The following INSL6 variants were observed in gnomAD, a reference collection of about 807,000 sequenced individuals.
INSL6 encodes insulin-like peptide INSL6.
Under a neutral mutation model 9.4 loss-of-function variants are expected in INSL6, and 16 were observed. That is an observed-to-expected ratio of 1.70 (90% CI 1.15 to 2.59). The LOEUF is 2.59. Ranked by LOEUF, INSL6 falls within the 30% of genes most tolerant of loss-of-function variation. The pLI is 0.00. For synonymous variants in INSL6, 154 were observed against 96.9 expected, an observed-to-expected ratio of 1.59 and a Z score of -3.46; for missense variants, 391 against 257.3, an observed-to-expected ratio of 1.52 and a Z score of -3.56.
intron 2 of INSL6, among the ~76,000 whole-genome samples, chr9:5,136,312 A>G (rs923426228): frequency 1.3e-5 from 2 of 152,150 alleles, no homozygotes; most frequent in Non-Finnish European, 2.9e-5. Flanking sequence ...GCAGAGACAC[A>G]ACAAAAAAAG....
chr9:5,177,605 G>A (rs1282696323), intron 1 of INSL6, among the ~76,000 whole-genome samples: 3 of 152,214 alleles, frequency 2.0e-5, no homozygotes, highest in Non-Finnish European at 4.4e-5. Context: ...TGAATCCAGG[G>A]AGCCAAGCAG....
the INSL6 span, among the ~76,000 whole-genome samples, chr9:5,023,468 C>G: frequency 9.2e-5 from 14 of 152,122 alleles, no homozygotes; most frequent in African/African-American, 2.9e-4. Flanking sequence ...AACTTCCTCA[C>G]TGGAATAGGA....
chr9:4,995,140 T>G, the INSL6 span, among the ~76,000 whole-genome samples: 18 of 152,210 alleles, frequency 1.2e-4, no homozygotes, highest in Non-Finnish European at 1.6e-4. Context: ...AAATAGAATC[T>G]CATTATAATT....
chr9:5,175,534 C>G (rs1825280336), intron 1 of INSL6, among the ~76,000 whole-genome samples: 1 of 152,186 alleles, frequency 6.6e-6, no homozygotes, highest in Non-Finnish European at 1.5e-5. Context: ...TCCCCAACCA[C>G]TGGGGACTTA....
At chr9:5,056,294 G>T in the INSL6 span, among the ~76,000 whole-genome samples, 4 of 151,958 alleles carry the variant, frequency 2.6e-5, no homozygotes, top group South Asian at 2.1e-4. Context: ...AATAGCTTCA[G>T]AAATCTAATT....
At chr9:5,034,333 A>G in the INSL6 span, among the ~76,000 whole-genome samples, 3 of 152,108 alleles carry the variant, frequency 2.0e-5, no homozygotes, top group Non-Finnish European at 2.9e-5. Flanking sequence ...ACAGATCAAC[A>G]AGACAGAAAG....
chr9:4,995,847 CT>C, the INSL6 span, among the ~76,000 whole-genome samples: 3 of 151,524 alleles, frequency 2.0e-5, no homozygotes, highest in Admixed American at 1.3e-4. Flanking sequence ...TTAGTTTTAC[CT>C]TTTTTTTAAA....
chr9:5,099,343 A>C, the INSL6 span: 3 of 152,226 alleles, frequency 2.0e-5, no homozygotes, highest in South Asian at 6.2e-4. Context: ...ATCACTGTAA[A>C]GCTATTCAGC....
At chr9:5,083,866 A>C in the INSL6 span, among the ~76,000 whole-genome samples, 1 of 152,194 alleles carries the variant, frequency 6.6e-6, no homozygotes, top group African/African-American at 2.4e-5. Flanking sequence ...CATTTGTTGT[A>C]GTCTCTGCAC....
the INSL6 span, among the ~76,000 whole-genome samples, chr9:5,049,347 A>G: frequency 2.0e-5 from 3 of 152,188 alleles, no homozygotes; most frequent in Admixed American, 1.3e-4. Context: ...AATCCACATT[A>G]TTTCTTCACA....
chr9:5,096,262 T>A, the INSL6 span, among the ~76,000 whole-genome samples: 1 of 152,198 alleles, frequency 6.6e-6, no homozygotes, highest in Non-Finnish European at 1.5e-5. Context: ...AGTTATAACT[T>A]AGAAATTTAG....
the INSL6 span, among the ~76,000 whole-genome samples, chr9:5,026,934 C>G: frequency 6.6e-6 from 1 of 152,132 alleles, no homozygotes; most frequent in African/African-American, 2.4e-5. Flanking sequence ...GCCCAAAGGA[C>G]ATAATTATTA....
chr9:5,163,582 T>A (rs1564049097), downstream of INSL6, among the ~76,000 whole-genome samples: 2 of 152,154 alleles, frequency 1.3e-5, no homozygotes, highest in African/African-American at 4.8e-5. Flanking sequence ...TTGTGTGTCA[T>A]ACAGATGGAA....
the INSL6 span, chr9:5,090,326 A>C: frequency 2.9e-6 from 2 of 687,524 alleles, no homozygotes; most frequent in South Asian, 9.9e-5. Flanking sequence ...TTAATGTATA[A>C]TAAAGTTTTG....
intron 2 of INSL6, among the ~76,000 whole-genome samples, chr9:5,136,011 C>G (rs1311900938): frequency 2.6e-5 from 4 of 152,258 alleles, no homozygotes; most frequent in African/African-American, 7.2e-5. Context: ...TGCAAATAAA[C>G]TAGAAAATCT....
At chr9:5,120,985 T>C (rs1823575767), downstream of INSL6, among the ~76,000 whole-genome samples, 1 of 152,154 alleles carries the variant, frequency 6.6e-6, no homozygotes, top group African/African-American at 2.4e-5. Flanking sequence ...AAAGATATGG[T>C]TATAAATTTG....
chr9:5,124,670 A>C (rs1823858661), intron 3 of INSL6, among the ~76,000 whole-genome samples: 1 of 151,948 alleles, frequency 6.6e-6, no homozygotes. Context: ...TTATAAGGCT[A>C]CAGTAACCAA....
At chr9:5,066,772 T>C in the INSL6 span, 9 of 1,556,282 alleles carry the variant, frequency 5.8e-6, no homozygotes, top group Non-Finnish European at 6.9e-6. Context: ...TAAATATTTT[T>C]TGACTTTTGC....
Position 5,164,018 on chromosome 9 carries a change from A to G in INSL6, c.537T>C (p.Cys179=), listed in dbSNP as rs1824987862. 6.2e-7 allele frequency: 1 copy of G among 1,613,622 alleles called. No individual in the cohort carries two copies. Among genetic ancestry groups the G allele is most frequent in the Non-Finnish European group, 8.5e-7 (1 of 1,179,810 alleles). Residue 179 remains cysteine (C), a synonymous_variant, in exon 2 of 2, where the codon TGT becomes TGC. Coordinates refer to ENST00000381641, the MANE Select transcript of INSL6 (RefSeq NM_007179.3). ...RKRRGYSEKC[C]LTGCTKEELS... ...GTTCTTCTTTTGTACATCCTGTAAG[A>G]CAACACTTTTCTGAATATCCTCTGC... is the stretch of plus-strand genomic sequence containing the variant.
Sources: allele counts gnomAD v4.1 joint callset (sites outside exome capture counted in the v4.1 genomes callset), GRCh38; gene constraint gnomAD v4.1.1; transcripts MANE v1.5; gene names NCBI Gene and HGNC (gene_info 2026-07-23, HGNC 2026-07-21).